SLC12A7: variants seen among roughly 807,000 people sequenced by gnomAD.
The protein encoded by SLC12A7 is solute carrier family 12 member 7.
In SLC12A7, 100 loss-of-function variants were observed where a neutral mutation model predicts 120.6. The observed-to-expected ratio is 0.83, with a 90% CI of 0.71 to 0.98. The LOEUF (loss-of-function observed/expected upper bound fraction) is 0.98, where lower values mean the gene tolerates loss of function less well. SLC12A7 is among the 50% of genes least tolerant of loss of function. The pLI is 0.00. For synonymous variants in SLC12A7, 760 were observed against 678.0 expected, an observed-to-expected ratio of 1.12 and a Z score of -1.88; for missense variants, 1,373 against 1,548.1, an observed-to-expected ratio of 0.89 and a Z score of 1.90.
intron 21 of SLC12A7, among the ~76,000 whole-genome samples, chr5:1,059,968 C>A (rs576725732): frequency 6.6e-6 from 1 of 152,218 alleles, no homozygotes. Context: ...AAGCCGCTGA[C>A]CCTGTCAGAG....
At chr5:1,128,933 C>T in the SLC12A7 span, among the ~76,000 whole-genome samples, 1 of 152,238 alleles carries the variant, frequency 6.6e-6, no homozygotes, top group African/African-American at 2.4e-5. Context: ...CTCCCTGCCA[C>T]GTGCTCCATC....
At chr5:1,145,634 A>T in the SLC12A7 span, among the ~76,000 whole-genome samples, 6 of 151,958 alleles carry the variant, frequency 3.9e-5, no homozygotes, top group African/African-American at 1.5e-4. This position sits in a 1 kb window ranked among gnomAD's most constrained non-coding sequence, Gnocchi z 4.4. Flanking sequence ...GGCCTGAAAG[A>T]GCACCTTGCA....
the SLC12A7 span, among the ~76,000 whole-genome samples, chr5:1,153,237 C>T: frequency 6.6e-6 from 1 of 152,100 alleles, no homozygotes; most frequent in Non-Finnish European, 1.5e-5. Flanking sequence ...CGGTCCAGCC[C>T]AGCCTCCAAG....
At chr5:1,087,839 G>A (rs868810907) in intron 5 of SLC12A7, among the ~76,000 whole-genome samples, 13 of 152,202 alleles carry the variant, frequency 8.5e-5, no homozygotes, top group South Asian at 4.1e-4. Context: ...TAGTTATTAC[G>A]TATTGTAATT....
At chr5:1,059,168 C>G (rs1281934908) in intron 21 of SLC12A7, among the ~76,000 whole-genome samples, 1 of 152,240 alleles carries the variant, frequency 6.6e-6, no homozygotes, top group Non-Finnish European at 1.5e-5. Flanking sequence ...TGCCCGGACC[C>G]CCGTGGAAGG....
At chr5:1,094,651 C>T (rs1454491435) in intron 1 of SLC12A7, among the ~76,000 whole-genome samples, 5 of 152,200 alleles carry the variant, frequency 3.3e-5, no homozygotes, top group Admixed American at 6.5e-5. Context: ...CTCCCTCTGG[C>T]GTTGAAAATC....
At chr5:1,121,501 T>C in the SLC12A7 span, among the ~76,000 whole-genome samples, 1 of 152,224 alleles carries the variant, frequency 6.6e-6, no homozygotes, top group Non-Finnish European at 1.5e-5. Flanking sequence ...TGAGAGGTCC[T>C]TTAAGCATAT....
At position 1,088,907 on chromosome 5, in the gene SLC12A7, G is replaced by A. The variant is rs567070308; in HGVS notation, c.489+75C>T. On this transcript the variant is annotated intron_variant, in intron 4 of 23. Transcript: ENST00000264930. Reference sequence around the variant, plus strand: ...CACAACCACAGCGGCCAGGGGAGACGGCATCTGGGGAGAGCCCTACTGTCC... The same window carrying A: ...CACAACCACAGCGGCCAGGGGAGACAGCATCTGGGGAGAGCCCTACTGTCC... 79 of 1,574,958 alleles carry A rather than the reference G, an allele frequency of 5.0e-5. No homozygotes were observed. In the South Asian group the frequency reaches 6.6e-4, roughly 13 times the overall value.
rs144912944 is a variant in SLC12A7, at chr5:1,083,935, G to T, written c.939C>A (p.Arg313=). The change falls in exon 8 of 24, where the codon CGC becomes CGA. Residue 313 remains arginine (R), a synonymous_variant. Transcript: ENST00000264930. ...CATCGAAGCTGCGCCGTGACAGCGT[G>T]CGGTTCCCCAGGAGGCAGACCCTGG... ...PDIPVCLLGN[R]TLSRRSFDAC... The T allele has an allele frequency of 9.5e-5, 152 of 1,603,840 alleles. No homozygotes were observed. In the Middle Eastern group the frequency reaches 9.7e-4, roughly 10 times the overall value.
At chr5:1,061,025 G>A (rs868844001) in intron 20 of SLC12A7, among the ~76,000 whole-genome samples, 3,382 of 138,100 alleles carry the variant, frequency 0.024, 13 homozygotes, top group African/African-American at 0.099. Context: ...CTCACCCGCC[G>A]CACCCGCCGT....
chr5:1,093,765 C>A, intron 2 of SLC12A7, 110 bp from the exon 3 acceptor site: 1 of 1,498,460 alleles, frequency 6.7e-7, no homozygotes, highest in Non-Finnish European at 9.0e-7. Flanking sequence ...GTCCTCAGCC[C>A]CTGGGTCTGA....
chr5:1,061,217 C>CCCGGAACAT (rs1736210200), intron 20 of SLC12A7, among the ~76,000 whole-genome samples: 1 of 19,472 alleles, frequency 5.1e-5, no homozygotes, highest in African/African-American at 6.1e-5. Flanking sequence ...CTGCGTCTCA[C>CCCGGAACAT]CCACCGCACC....
intron 18 of SLC12A7, among the ~76,000 whole-genome samples, chr5:1,064,860 G>A (rs1334942621): frequency 2.8e-5 from 4 of 142,936 alleles, no homozygotes; most frequent in Admixed American, 6.9e-5. Context: ...AGGAGACGGC[G>A]AGGGGACAGC....
At chr5:1,132,748 C>T in the SLC12A7 span, among the ~76,000 whole-genome samples, 51 of 152,336 alleles carry the variant, frequency 3.3e-4, no homozygotes, top group African/African-American at 1.1e-3. Flanking sequence ...GCTTGCTTCC[C>T]TCTGGAGCCT....
chr5:1,101,184 G>C (rs985172914), intron 1 of SLC12A7, among the ~76,000 whole-genome samples: 5 of 152,208 alleles, frequency 3.3e-5, no homozygotes, highest in Admixed American at 2.0e-4. Context: ...AGCTGGCACT[G>C]GGTGGACTGC....
Position 1,081,604 on chromosome 5 carries a change from C to G in SLC12A7, c.1270G>C (p.Val424Leu), listed in dbSNP as rs1487582421. 1.9e-6 allele frequency: 3 copies of G among 1,606,916 alleles called. No homozygotes were observed. Among genetic ancestry groups the G allele is most frequent in the Non-Finnish European group, 2.6e-6 (3 of 1,174,642 alleles). The change falls in exon 9 of 24, where the codon GTT becomes CTT. Residue 424 changes from valine (V) to leucine (L), a missense_variant. Coordinates refer to ENST00000264930, the MANE Select transcript of SLC12A7 (RefSeq NM_006598.3). ...TDIAASFTLL[V>L]GIYFPSVTGI... ...GTCACGGAAGGGAAGTAGATGCCAACCAGCAGGGTGAAGGAGGCCGCGATG... is the reference window on the plus strand; with the variant it reads ...GTCACGGAAGGGAAGTAGATGCCAAGCAGCAGGGTGAAGGAGGCCGCGATG...
intron 20 of SLC12A7, among the ~76,000 whole-genome samples, chr5:1,061,069 C>T (rs1349946809): frequency 2.0e-4 from 24 of 118,434 alleles, no homozygotes; most frequent in African/African-American, 6.1e-4. Flanking sequence ...CCGCACCCGC[C>T]GCACCTGCCG....
At chr5:1,060,604 C>G (rs1736082140) in intron 20 of SLC12A7, among the ~76,000 whole-genome samples, 153 bp from the exon 21 acceptor site, 1 of 152,228 alleles carries the variant, frequency 6.6e-6, no homozygotes, top group Non-Finnish European at 1.5e-5. Flanking sequence ...CTCAGGCCCC[C>G]CGCCCAGTGG....
Position 1,075,454 on chromosome 5 carries a change from C to G in SLC12A7, c.1884G>C (p.Ala628=). The change falls in exon 15 of 24, where the codon GCG becomes GCC. Residue 628 remains alanine (A), a synonymous_variant. Transcript: ENST00000264930. ...AGTACCAGGAGCAGATGAACATCAG[C>G]GCCAGGCACAGGCTCATACCCAGAA... ...LSFLGMSLCL[A]LMFICSWYYA... is the part of the protein sequence containing the mutation. 1 of 1,612,504 alleles carries G rather than the reference C, an allele frequency of 6.2e-7. No homozygotes were observed.
Sources: gnomAD v4.1 joint callset for allele counts (sites outside exome capture counted in the v4.1 genomes callset) on GRCh38, gnomAD v4.1.1 for gene constraint, Gnocchi (gnomAD v3.1) non-coding constraint, MANE v1.5 for transcripts, NCBI Gene and HGNC (gene_info 2026-07-23, HGNC 2026-07-21) for gene names.